NR4A1: variants seen among roughly 807,000 people sequenced by gnomAD.
NR4A1 encodes nuclear receptor subfamily 4immunitygroup A member 1.
A neutral mutation model predicts 47.5 loss-of-function variants in NR4A1; 24 were observed. The ratio of observed to expected loss-of-function variants is 0.50; its 90% CI spans 0.37 to 0.71. NR4A1 has a LOEUF of 0.71. Ranked by LOEUF, NR4A1 falls within the 30% of genes least tolerant of loss-of-function variation. The pLI is 0.00. For synonymous variants in NR4A1, 353 were observed against 345.7 expected, an observed-to-expected ratio of 1.02 and a Z score of -0.24; for missense variants, 669 against 788.6, an observed-to-expected ratio of 0.85 and a Z score of 1.82.
At chr12:52,055,420 C>T (rs529326257) in intron 2 of NR4A1, 42 of 640,570 alleles carry the variant, frequency 6.6e-5, no homozygotes, top group Non-Finnish European at 1.1e-4. Context: ...CATGGGATTG[C>T]ACAGAGCTGG....
At chr12:52,045,494 T>TG (rs1187279159) in intron 2 of NR4A1, 1 of 451,348 alleles carries the variant, frequency 2.2e-6, no homozygotes, top group African/African-American at 2.0e-5. Context: ...CCCATGACAG[T>TG]GGGGGAGCCC....
Position 52,054,799 on chromosome 12 carries a change from C to T in NR4A1, c.471C>T (p.Ser157=). The part of the protein sequence containing the change: ...QPPQLSPWDG[S]FGHFSPSQTY... ...CCCAGCTCTCTCCCTGGGATGGCTCCTTCGGCCACTTCTCGCCCAGCCAGA... is the reference window on the plus strand; with the variant it reads ...CCCAGCTCTCTCCCTGGGATGGCTCTTTCGGCCACTTCTCGCCCAGCCAGA... The change falls in exon 2 of 7, where the codon TCC becomes TCT. Residue 157 remains serine, a synonymous_variant. Transcript: ENST00000394825. 6.2e-7 allele frequency: 1 copy of T among 1,613,274 alleles called. No homozygotes were observed. Among genetic ancestry groups the T allele is most frequent in the Non-Finnish European group, 8.5e-7 (1 of 1,179,952 alleles).
At chr12:52,043,867 T>C (rs939968796) in intron 2 of NR4A1, 3 of 1,289,212 alleles carry the variant, frequency 2.3e-6, no homozygotes, top group Non-Finnish European at 3.0e-6. Flanking sequence ...TGCGGTTGTC[T>C]GGGACCTTTT....
rs982375725 is a variant in NR4A1, at chr12:52,052,458, A to G, written c.-3+890A>G. ...CCAGCTCCAGATGCTGATCATCCCT[A>G]TGCCCCCTCCCCCAGTAGTCTCTGT... On this transcript the variant is annotated intron_variant, in intron 1 of 6. Coordinates refer to ENST00000394825, the MANE Select transcript of NR4A1 (RefSeq NM_173157.3). The G allele has an allele frequency of 1.3e-5, 13 of 985,136 alleles. No individual in the cohort carries two copies. In the African/African-American group the frequency reaches 1.9e-4, roughly 15 times the overall value. The allele number at this position is 985,136 out of a possible 1,614,324, so 61.0% of individuals were successfully genotyped here. A position where few individuals can be genotyped will look rare whatever the true frequency, so the allele number is the denominator to read the frequency against.
chr12:52,029,832 C>A (rs1938081892), intron 1 of NR4A1, among the ~76,000 whole-genome samples: 1 of 152,214 alleles, frequency 6.6e-6, no homozygotes, highest in Admixed American at 6.5e-5. Flanking sequence ...GGCACTCTCC[C>A]TTGAGGGTTG....
upstream of NR4A1, among the ~76,000 whole-genome samples, chr12:52,047,517 A>G (rs760841696): frequency 2.9e-4 from 44 of 152,194 alleles, no homozygotes; most frequent in African/African-American, 1.0e-3. Context: ...ACTTATTTTC[A>G]GAATGTGGTG....
In NR4A1 at chr12:52,054,675, T is replaced by G. The variant is rs1482299297; in HGVS notation, c.347T>G (p.Leu116Arg). ...FQVYGCYPGP[L>R]SGPVDEALSS... is the part of the protein sequence containing the mutation. Reference sequence around the variant, plus strand: ...GTGTACGGCTGCTACCCCGGCCCCCTGAGCGGCCCAGTGGATGAGGCCCTG... The same window carrying G: ...GTGTACGGCTGCTACCCCGGCCCCCGGAGCGGCCCAGTGGATGAGGCCCTG... The change falls in exon 2 of 7, where the codon CTG (leucine) becomes CGG (arginine). Residue 116 changes from leucine to arginine, a missense_variant. Coordinates refer to ENST00000394825, the MANE Select transcript of NR4A1 (RefSeq NM_173157.3). 6.2e-7 allele frequency: 1 copy of G among 1,613,916 alleles called. No homozygotes were observed. Among genetic ancestry groups the G allele is most frequent in the Non-Finnish European group, 8.5e-7 (1 of 1,180,038 alleles).
chr12:52,045,142 T>A (rs769185980), intron 2 of NR4A1, among the ~76,000 whole-genome samples: 4 of 152,174 alleles, frequency 2.6e-5, no homozygotes, highest in African/African-American at 7.2e-5. Flanking sequence ...CTGGGCACAC[T>A]CTCTTTTCCT....
At chr12:52,032,671 C>T (rs1938151828) in intron 1 of NR4A1, among the ~76,000 whole-genome samples, 1 of 152,168 alleles carries the variant, frequency 6.6e-6, no homozygotes, top group Admixed American at 6.5e-5. Context: ...AGGTGTTTCT[C>T]CGAAGTATGT....
upstream of NR4A1, chr12:52,051,395 C>T (rs1221027173): frequency 3.0e-6 from 3 of 985,544 alleles, no homozygotes; most frequent in Non-Finnish European, 3.6e-6. Context: ...CCCGCCCCTC[C>T]CCGTGCGTCA....
At chr12:52,056,459 C>G in intron 3 of NR4A1, 35 bp from the exon 4 acceptor site, 1 of 1,603,362 alleles carries the variant, frequency 6.2e-7, no homozygotes, top group South Asian at 1.1e-5. Context: ...TTCCTCAGAT[C>G]CCTTCCTTCC....
At chr12:52,032,174 C>T (rs1412370033) in intron 1 of NR4A1, among the ~76,000 whole-genome samples, 1 of 152,114 alleles carries the variant, frequency 6.6e-6, no homozygotes, top group Non-Finnish European at 1.5e-5. Flanking sequence ...ATTTGTGAGG[C>T]TGTTTCTGGA....
chr12:52,030,630 T>C (rs1938102979), intron 1 of NR4A1, among the ~76,000 whole-genome samples: 1 of 152,178 alleles, frequency 6.6e-6, no homozygotes, highest in African/African-American at 2.4e-5. Flanking sequence ...GGTTTCATTA[T>C]GTTGGCCAGT....
At position 52,054,453 on chromosome 12, in the gene NR4A1, C is replaced by CA; in HGVS notation, c.126dup (p.Ala43SerfsTer23). On this transcript the variant is annotated frameshift_variant, in exon 2 of 7. Coordinates refer to ENST00000394825, the MANE Select transcript of NR4A1 (RefSeq NM_173157.3). LOFTEE classifies it high-confidence loss of function. Reference sequence around the variant, plus strand: ...ACCATGGACCTGGCCAGCCCCGAGGCAGCCCCCGCTGCCCCCACTGCCCTG... The same window carrying CA: ...ACCATGGACCTGGCCAGCCCCGAGGCAAGCCCCCGCTGCCCCCACTGCCCTG... The CA allele has an allele frequency of 6.2e-7, 1 of 1,613,744 alleles. No homozygotes were observed. Among genetic ancestry groups the CA allele is most frequent in the Non-Finnish European group, 8.5e-7 (1 of 1,179,992 alleles).
At chr12:52,040,883 CCTCA>C (rs779709428) in intron 1 of NR4A1, among the ~76,000 whole-genome samples, 3 of 152,188 alleles carry the variant, frequency 2.0e-5, no homozygotes, top group Non-Finnish European at 4.4e-5. Flanking sequence ...CTGGTCCTGC[CCTCA>C]CTCTGGTGCG....
intron 1 of NR4A1, among the ~76,000 whole-genome samples, chr12:52,035,710 A>G (rs11169987): frequency 0.082 from 12,469 of 152,204 alleles, 552 homozygotes; most frequent in East Asian, 0.097. Flanking sequence ...TTGAGAGACA[A>G]ACTCTGCAGA....
chr12:52,029,688 A>AAAAAAC (rs71092743), intron 1 of NR4A1, among the ~76,000 whole-genome samples: 5 of 151,696 alleles, frequency 3.3e-5, no homozygotes, highest in Admixed American at 6.6e-5. Flanking sequence ...ACCCTGTCTC[A>AAAAAAC]AAAAACAAAA....
chr12:52,038,138 C>T (rs1373997285), intron 1 of NR4A1: 1 of 884,226 alleles, frequency 1.1e-6, no homozygotes, highest in Non-Finnish European at 1.4e-6. Flanking sequence ...GATCTCGGCT[C>T]ACTGCAATCT....
At chr12:52,040,468 G>A (rs763834066) in intron 1 of NR4A1, among the ~76,000 whole-genome samples, 3 of 152,162 alleles carry the variant, frequency 2.0e-5, no homozygotes, top group Non-Finnish European at 1.5e-5. Context: ...AGTTTCGGGG[G>A]GATGGGAGGA....
Sources: allele counts gnomAD v4.1 joint callset (sites outside exome capture counted in the v4.1 genomes callset), GRCh38; gene constraint gnomAD v4.1.1; transcripts MANE v1.5; gene names NCBI Gene and HGNC (gene_info 2026-07-23, HGNC 2026-07-21).